PDE4D: variants seen among roughly 807,000 people sequenced by gnomAD.
PDE4D encodes the protein 3',5'-cyclic-AMP phosphodiesterase 4D.
PDE4D carries 24 observed loss-of-function variants against 87.4 expected under a neutral mutation model. That is an observed-to-expected ratio of 0.27 (90% CI 0.20 to 0.39). The LOEUF (loss-of-function observed/expected upper bound fraction) is 0.39. Ranked by LOEUF, PDE4D falls within the 10% of genes least tolerant of loss-of-function variation. The pLI, the probability that PDE4D is intolerant of heterozygous loss-of-function variation, is 1.00. For synonymous variants in PDE4D, 384 were observed against 383.2 expected (o/e 1.00, Z -0.02); for missense variants, 714 against 1,041.0 (o/e 0.69, Z 4.32).
chr5:59,808,415 A>G, intron 1 of PDE4D, among the ~76,000 whole-genome samples: 1 of 152,168 alleles, frequency 6.6e-6, no homozygotes, highest in East Asian at 1.9e-4. Flanking sequence ...GTTTTAACAT[A>G]CAAGTGTTTA....
intron 1 of PDE4D, among the ~76,000 whole-genome samples, chr5:59,363,728 T>G (rs918289120): frequency 1.3e-5 from 2 of 152,206 alleles, no homozygotes; most frequent in Admixed American, 1.3e-4. Flanking sequence ...CAAGTCAGTT[T>G]TGCTTATCTC....
chr5:59,891,158 A>C (rs1750897581), intron 1 of PDE4D, among the ~76,000 whole-genome samples: 1 of 152,374 alleles, frequency 6.6e-6, no homozygotes, highest in East Asian at 1.9e-4. Flanking sequence ...CATTCAACTA[A>C]AAATTTCAAA....
chr5:59,606,607 T>C (rs918170795), intron 1 of PDE4D, among the ~76,000 whole-genome samples: 2 of 152,084 alleles, frequency 1.3e-5, no homozygotes, highest in African/African-American at 4.8e-5. Flanking sequence ...AGAATTGTCC[T>C]GTGGATTCGG....
At chr5:60,034,912 T>A (rs1767621243) in intron 2 of PDE4D, among the ~76,000 whole-genome samples, 1 of 152,212 alleles carries the variant, frequency 6.6e-6, no homozygotes, top group East Asian at 1.9e-4. Flanking sequence ...CAACTCTCCC[T>A]CTGCTGTATG....
intron 1 of PDE4D, among the ~76,000 whole-genome samples, chr5:59,874,053 AT>A (rs1013452985): frequency 9.2e-5 from 14 of 151,772 alleles, no homozygotes; most frequent in Admixed American, 2.0e-4. Flanking sequence ...CTACAGAAAA[AT>A]TTTTTTTTAA....
chr5:58,975,548 C>T lies in PDE4D; in HGVS notation c.2013+109G>A. 1.1e-6 allele frequency: 1 copy of T among 890,634 alleles called. No individual in the cohort carries two copies. The allele number at this position is 890,634 out of a possible 1,614,324, so 55.2% of individuals were successfully genotyped here. On this transcript the variant is annotated intron_variant, in intron 14 of 14. Transcript: ENST00000340635. The surrounding 1 kb of genome is among the most constrained non-coding windows in gnomAD (Gnocchi z 4.2). ...AAGGTGAAATTGAGCTTGTCAAAAACAAAGTAATTTTAAAAATCCAGTAAA... is the reference window on the plus strand; with the variant it reads ...AAGGTGAAATTGAGCTTGTCAAAAATAAAGTAATTTTAAAAATCCAGTAAA...
chr5:59,965,335 C>T (rs779136341), intron 3 of PDE4D, among the ~76,000 whole-genome samples: 6 of 152,164 alleles, frequency 3.9e-5, no homozygotes, highest in Non-Finnish European at 8.8e-5. Context: ...TGCAGAGAAA[C>T]TCTAGCAGCA....
chr5:59,939,543 C>T (rs1352328818), intron 3 of PDE4D, among the ~76,000 whole-genome samples: 1 of 152,116 alleles, frequency 6.6e-6, no homozygotes, highest in East Asian at 1.9e-4. Context: ...ATACATCTGA[C>T]CTCGTGAGGA....
chr5:59,825,731 A>C (rs967703669), intron 1 of PDE4D, among the ~76,000 whole-genome samples: 8 of 152,134 alleles, frequency 5.3e-5, no homozygotes, highest in African/African-American at 1.9e-4. Flanking sequence ...GAACAACTTG[A>C]GCTGTACTTA....
At chr5:59,279,893 G>C (rs1765517316) in intron 1 of PDE4D, among the ~76,000 whole-genome samples, 1 of 151,834 alleles carries the variant, frequency 6.6e-6, no homozygotes, top group Admixed American at 6.6e-5. Context: ...GTTTTTGGAA[G>C]TTTTTAAAAT....
At chr5:59,532,991 A>G (rs1334868685) in intron 1 of PDE4D, among the ~76,000 whole-genome samples, 6 of 152,196 alleles carry the variant, frequency 3.9e-5, no homozygotes, top group African/African-American at 1.4e-4. Context: ...TCTCAGCTAC[A>G]TGTTATTAAA....
At chr5:60,346,672 G>A (rs1339622262) in intron 1 of PDE4D, among the ~76,000 whole-genome samples, 3 of 151,914 alleles carry the variant, frequency 2.0e-5, no homozygotes, top group African/African-American at 7.2e-5. Flanking sequence ...CTAATTGTGG[G>A]GTCTGAGCCA....
intron 1 of PDE4D, among the ~76,000 whole-genome samples, chr5:60,348,505 T>G (rs945287553): frequency 1.3e-5 from 2 of 152,148 alleles, no homozygotes; most frequent in African/African-American, 2.4e-5. Flanking sequence ...CACACAGTAT[T>G]AATTAGTCTT....
At chr5:60,283,939 C>T (rs572079570) in intron 1 of PDE4D, among the ~76,000 whole-genome samples, 1 of 152,110 alleles carries the variant, frequency 6.6e-6, no homozygotes. Context: ...CCATATTCAG[C>T]GAGTTCTGAG....
At chr5:59,459,256 T>C (rs1159211983) in intron 1 of PDE4D, among the ~76,000 whole-genome samples, 2 of 152,182 alleles carry the variant, frequency 1.3e-5, no homozygotes, top group Non-Finnish European at 2.9e-5. Flanking sequence ...ACCAGGTTAA[T>C]TTTTAAAAGT....
rs1244885934 is a variant in PDE4D, at chr5:58,974,235, T to A, written c.*429A>T. 6.5e-6 allele frequency: 1 copy of A among 154,526 alleles called. No individual in the cohort carries two copies. The highest frequency in any genetic ancestry group is 1.9e-4 in the East Asian group (1 of 5,280). 9.6% of individuals were successfully genotyped at this position (154,526 alleles called of 1,614,324 possible). ...CTACTGGTAACAGATTCGTGCTATG[T>A]CCTGTTCTTGACATATTTGTTGCTT... On this transcript the variant is annotated 3_prime_UTR_variant, in exon 15 of 15. Coordinates refer to ENST00000340635, the MANE Select transcript of PDE4D (RefSeq NM_001104631.2).
At chr5:60,510,502 C>A (rs1750522454) in intron 1 of PDE4D, among the ~76,000 whole-genome samples, 1 of 152,056 alleles carries the variant, frequency 6.6e-6, no homozygotes, top group Non-Finnish European at 1.5e-5. Flanking sequence ...TTTTGAGAGG[C>A]AAGAAATGGC....
At position 59,172,267 on chromosome 5, in the gene PDE4D, TAC is replaced by T. The variant is rs199796373; in HGVS notation, c.808+8326_808+8327del. Among the ~76,000 whole-genome samples the T allele has an allele frequency of 2.6e-3, 319 of 123,020 alleles. 4 individuals are homozygous for T. Among genetic ancestry groups the T allele is most frequent in the African/African-American group, 9.4e-3 (299 of 31,680 alleles). 80.7% of individuals were successfully genotyped at this position (123,020 alleles called of 152,430 possible). A position where few individuals can be genotyped will look rare whatever the true frequency, so the allele number is the denominator to read the frequency against. On this transcript the variant is annotated intron_variant, in intron 5 of 14. Transcript: ENST00000340635. ...ATAATATATAATAAATATATATTTA[TAC>T]AATTTATAAGAAATATATATTTATA...
chr5:59,893,748 T>G, upstream of PDE4D: 1 of 1,360,848 alleles, frequency 7.3e-7, no homozygotes, highest in Non-Finnish European at 9.4e-7. Context: ...GGCTGGTGCT[T>G]AGCTTCTCAC....
Sources: gnomAD v4.1 joint callset for allele counts (sites outside exome capture counted in the v4.1 genomes callset) on GRCh38, gnomAD v4.1.1 for gene constraint, Gnocchi (gnomAD v3.1) non-coding constraint, MANE v1.5 for transcripts, NCBI Gene and HGNC (gene_info 2026-07-23, HGNC 2026-07-21) for gene names.